Variants in BAIAP2 observed in about 807,000 individuals in gnomAD.
BAIAP2 encodes BAR/IMD domain-containing adapter protein 2.
In BAIAP2, 18 loss-of-function variants were observed where a neutral mutation model predicts 63.0. That is an observed-to-expected ratio of 0.29 (90% CI 0.20 to 0.42). The LOEUF is 0.42. Among genes scored for constraint, BAIAP2 ranks in the 10% least tolerant of loss-of-function variants. The pLI, the probability that BAIAP2 is intolerant of heterozygous loss-of-function variation, is 1.00. For synonymous variants in BAIAP2, 386 were observed against 307.6 expected, an observed-to-expected ratio of 1.25 and a Z score of -2.67; for missense variants, 610 against 734.3, an observed-to-expected ratio of 0.83 and a Z score of 1.96.
intron 13 of BAIAP2, among the ~76,000 whole-genome samples, chr17:81,110,731 C>T (rs555458156): frequency 6.6e-6 from 1 of 152,210 alleles, no homozygotes. Flanking sequence ...TCCCTCCAGG[C>T]CCGCAAGTGA....
chr17:81,055,855 C>A (rs145712362), intron 2 of BAIAP2, among the ~76,000 whole-genome samples: 2 of 152,058 alleles, frequency 1.3e-5, no homozygotes, highest in Admixed American at 6.6e-5. Flanking sequence ...GGTGAGCCAC[C>A]GCGCCCGGCC....
At chr17:81,098,725 T>C (rs1180386574) in intron 6 of BAIAP2, among the ~76,000 whole-genome samples, 2 of 152,276 alleles carry the variant, frequency 1.3e-5, no homozygotes, top group South Asian at 2.1e-4. Flanking sequence ...CTGGGCCGAC[T>C]GTGTGTCCAC....
At chr17:81,101,216 T>A (rs2058441113) in intron 7 of BAIAP2, among the ~76,000 whole-genome samples, 1 of 152,140 alleles carries the variant, frequency 6.6e-6, no homozygotes, top group Admixed American at 6.5e-5. Flanking sequence ...GGATCCGCCA[T>A]GTCCCAGGAC....
intron 3 of BAIAP2, among the ~76,000 whole-genome samples, chr17:81,067,251 C>T (rs1431570144): frequency 6.6e-6 from 1 of 152,244 alleles, no homozygotes; most frequent in South Asian, 2.1e-4. Context: ...CACCAGGATG[C>T]TTGGGAAGGA....
chr17:81,037,146 G>A (rs1184709736), intron 1 of BAIAP2, among the ~76,000 whole-genome samples: 2 of 152,236 alleles, frequency 1.3e-5, no homozygotes, highest in Non-Finnish European at 2.9e-5. Context: ...CCCTGTGGAC[G>A]CAGACCAGCT....
chr17:81,053,358 C>G, intron 1 of BAIAP2: 1 of 329,724 alleles, frequency 3.0e-6, no homozygotes, highest in South Asian at 4.1e-5. Flanking sequence ...CGCGTCTGAG[C>G]GCCAGTTGTA....
intron 10 of BAIAP2, among the ~76,000 whole-genome samples, 193 bp downstream of exon 10, chr17:81,104,908 G>GGCAGGGGTCTTCGCCCCAACCACCTCCCT (rs1375076352): frequency 1.3e-5 from 2 of 149,894 alleles, no homozygotes; most frequent in Non-Finnish European, 2.9e-5. Context: ...CTTCTCCCCT[G>GGCAGGGGTCTTCGCCCCAACCACCTCCCT]GCAGGGGTCT....
intron 13 of BAIAP2, among the ~76,000 whole-genome samples, chr17:81,114,074 C>T (rs1328421912): frequency 6.6e-6 from 1 of 151,298 alleles, no homozygotes; most frequent in African/African-American, 2.4e-5. Context: ...AAGCGATCCT[C>T]CCACTTCAGC....
At chr17:81,063,302 A>G (rs2050907254) in intron 3 of BAIAP2, among the ~76,000 whole-genome samples, 1 of 152,208 alleles carries the variant, frequency 6.6e-6, no homozygotes, top group South Asian at 2.1e-4. Context: ...GGATTTGTGC[A>G]ACCTGCCTTT....
intron 7 of BAIAP2, among the ~76,000 whole-genome samples, chr17:81,102,135 C>T (rs1430568392): frequency 6.6e-6 from 1 of 151,136 alleles, no homozygotes; most frequent in Non-Finnish European, 1.5e-5. Flanking sequence ...GTGGAAGAGG[C>T]CTGTGTCCCA....
intron 3 of BAIAP2, among the ~76,000 whole-genome samples, chr17:81,080,646 C>G (rs941840694): frequency 1.3e-5 from 2 of 152,236 alleles, no homozygotes; most frequent in African/African-American, 4.8e-5. Flanking sequence ...TTCCTCTTGA[C>G]TCCATTGTGT....
rs987483692 is a variant in BAIAP2 at position 81,106,214 on chromosome 17, C to A, written c.1337+68C>A. On this transcript the variant is annotated intron_variant, in intron 11 of 13. Coordinates refer to ENST00000428708, the MANE Select transcript of BAIAP2 (RefSeq NM_001144888.2). The stretch of plus-strand genomic sequence containing the variant: ...GAGAGGGGCTGTGATGACACCAGGT[C>A]CCTGGGCTTGGATTGCTCGGCTGGG... 28 of 1,487,922 alleles carry A rather than the reference C, an allele frequency of 1.9e-5. 1 individual carries two copies. The Admixed American group carries it at 2.4e-4, about 13-fold the overall frequency. The allele number at this position is 1,487,922 out of a possible 1,614,324, so 92.2% of individuals were successfully genotyped here. A position where few individuals can be genotyped will look rare whatever the true frequency, so the allele number is the denominator to read the frequency against.
intron 1 of BAIAP2, among the ~76,000 whole-genome samples, chr17:81,044,340 A>G (rs1237228845): frequency 1.3e-5 from 2 of 152,198 alleles, no homozygotes; most frequent in African/African-American, 4.8e-5. Context: ...TGAGTGACCT[A>G]GTGACCGGGC....
Position 81,057,987 on chromosome 17 carries a change from C to A in BAIAP2, c.217+20C>A, listed in dbSNP as rs111933912. 4.7e-3 allele frequency: 5,417 copies of A among 1,149,282 alleles called. 819 individuals are homozygous for A. The highest frequency in any genetic ancestry group is 5.3e-3 in the Non-Finnish European group (4,648 of 870,164). 71.2% of individuals were successfully genotyped at this position (1,149,282 alleles called of 1,614,324 possible). ...AACTCGGTGAGACCCCCCCCCCCCC[C>A]CCGCCTGGTAGTCGCCTGATGCCCT... On this transcript the variant is annotated intron_variant, in intron 3 of 13. Transcript: ENST00000428708.
chr17:81,068,436 C>T (rs1395881441), intron 3 of BAIAP2, among the ~76,000 whole-genome samples: 1 of 152,248 alleles, frequency 6.6e-6, no homozygotes, highest in East Asian at 1.9e-4. Context: ...GAGGCCAGGA[C>T]CCTGGTCAGT....
At chr17:81,105,040 G>T (rs560670505) in intron 10 of BAIAP2, 11 of 226,280 alleles carry the variant, frequency 4.9e-5, no homozygotes, top group Admixed American at 1.7e-4. Context: ...CAATGGCAGG[G>T]GTCTTTCCCC....
At chr17:81,052,133 C>G (rs543733785) in intron 1 of BAIAP2, among the ~76,000 whole-genome samples, 2 of 152,324 alleles carry the variant, frequency 1.3e-5, no homozygotes, top group East Asian at 1.9e-4. Context: ...ACCCTCACGC[C>G]GGGTCCTGCT....
chr17:81,042,194 G>A (rs2047181239), intron 1 of BAIAP2, among the ~76,000 whole-genome samples: 1 of 145,432 alleles, frequency 6.9e-6, no homozygotes, highest in Non-Finnish European at 1.5e-5. Context: ...CAGCCCGGAA[G>A]GCAATGGTGT....
chr17:81,070,630 C>CA (rs1242007236), intron 3 of BAIAP2, among the ~76,000 whole-genome samples: 3 of 152,168 alleles, frequency 2.0e-5, no homozygotes, highest in Non-Finnish European at 2.9e-5. Context: ...TGGGCTTGGC[C>CA]AGGTCGCTCA....
Sources: allele counts gnomAD v4.1 joint callset (sites outside exome capture counted in the v4.1 genomes callset), GRCh38; gene constraint gnomAD v4.1.1; transcripts MANE v1.5; gene names NCBI Gene and HGNC (gene_info 2026-07-23, HGNC 2026-07-21).